MCCC2: variants seen among roughly 807,000 people sequenced by gnomAD.
MCCC2 encodes methylcrotonoyl-CoA carboxylase beta chain, mitochondrial.
In MCCC2, 52 loss-of-function variants were observed where a neutral mutation model predicts 77.2. That is an observed-to-expected ratio of 0.67 (90% CI 0.54 to 0.85). The LOEUF (loss-of-function observed/expected upper bound fraction) is 0.85, where lower values mean the gene tolerates loss of function less well. Ranked by LOEUF, MCCC2 falls within the 40% of genes least tolerant of loss-of-function variation. The pLI, the probability that MCCC2 is intolerant of heterozygous loss-of-function variation, is 0.00. For missense variants in MCCC2, 682 were observed against 703.2 expected (o/e 0.97, Z 0.34); for synonymous variants, 253 against 248.4 (o/e 1.02, Z -0.18).
intron 2 of MCCC2, among the ~76,000 whole-genome samples, chr5:71,594,896 C>CT (rs1471340501): frequency 4.5e-4 from 27 of 59,474 alleles, no homozygotes; most frequent in East Asian, 1.7e-3. Flanking sequence ...TTAAGTCTCT[C>CT]TCTTTTTTTT....
intron 6 of MCCC2, among the ~76,000 whole-genome samples, chr5:71,619,035 C>T (rs1478065369): frequency 1.3e-5 from 2 of 152,166 alleles, no homozygotes. Flanking sequence ...TCAGGCCTTT[C>T]TCTTTTCCTT....
intron 3 of MCCC2, 152 bp from the exon 4 acceptor site, chr5:71,599,507 A>AT (rs1745338659): frequency 7.4e-6 from 5 of 676,442 alleles, no homozygotes; most frequent in Non-Finnish European, 1.3e-5. Flanking sequence ...CACCACACCC[A>AT]TTTTAGATTT....
In MCCC2 at chr5:71,657,002, T is replaced by C; in HGVS notation, c.*142T>C. 1.5e-6 allele frequency: 1 copy of C among 648,038 alleles called. No individual in the cohort carries two copies. Among genetic ancestry groups the C allele is most frequent in the Non-Finnish European group, 2.7e-6 (1 of 364,172 alleles). 40.1% of individuals were successfully genotyped at this position (648,038 alleles called of 1,614,324 possible). A position where few individuals can be genotyped will look rare whatever the true frequency, so the allele number is the denominator to read the frequency against. On this transcript the variant is annotated 3_prime_UTR_variant, in exon 17 of 17. Coordinates refer to ENST00000340941, the MANE Select transcript of MCCC2 (RefSeq NM_022132.5). ...ATTGTACTTTTCTACCTTAAAAAAA[T>C]CAGTGAGGATATTTATTTAATGAAC...
intron 5 of MCCC2, among the ~76,000 whole-genome samples, chr5:71,603,931 A>T (rs967287753): frequency 6.6e-6 from 1 of 152,162 alleles, no homozygotes; most frequent in Non-Finnish European, 1.5e-5. Flanking sequence ...AACGCAACTG[A>T]CCTGTGTACC....
At chr5:71,614,749 G>A (rs1561833235) in intron 6 of MCCC2, among the ~76,000 whole-genome samples, 1 of 152,054 alleles carries the variant, frequency 6.6e-6, no homozygotes, top group Non-Finnish European at 1.5e-5. Context: ...CTCCCAAAGT[G>A]CTGGGATTAC....
At chr5:71,599,854 A>G in intron 4 of MCCC2, 94 bp downstream of exon 4, 2 of 947,930 alleles carry the variant, frequency 2.1e-6, no homozygotes, top group Non-Finnish European at 3.4e-6. Flanking sequence ...TTAGCATGCG[A>G]TTTGTATGCT....
chr5:71,603,415 C>T (rs1435372703), intron 5 of MCCC2, among the ~76,000 whole-genome samples: 2 of 74,234 alleles, frequency 2.7e-5, no homozygotes, highest in South Asian at 5.2e-4. Context: ...GAGACTGTCT[C>T]AAAAAAAAAA....
At chr5:71,621,143 A>G (rs2112394897) in intron 6 of MCCC2, among the ~76,000 whole-genome samples, 1 of 152,300 alleles carries the variant, frequency 6.6e-6, no homozygotes, top group East Asian at 1.9e-4. Flanking sequence ...GCTTTGGGAC[A>G]TGGCAAGTTG....
intron 6 of MCCC2, among the ~76,000 whole-genome samples, chr5:71,625,369 A>C (rs1045123732): frequency 2.6e-5 from 4 of 152,246 alleles, no homozygotes; most frequent in African/African-American, 9.6e-5. Context: ...TGCAGAAAGT[A>C]TACAGAATAA....
intron 6 of MCCC2, among the ~76,000 whole-genome samples, chr5:71,624,965 A>G (rs1049565750): frequency 6.6e-6 from 1 of 151,594 alleles, no homozygotes; most frequent in Non-Finnish European, 1.5e-5. Flanking sequence ...AAGTGCTGGG[A>G]TTACAGGCAT....
intron 10 of MCCC2, 119 bp downstream of exon 10, chr5:71,635,365 C>T (rs763432661): frequency 1.1e-6 from 1 of 879,102 alleles, no homozygotes; most frequent in Non-Finnish European, 1.9e-6. Context: ...ATGTGGATCT[C>T]AGTAAGGAGT....
chr5:71,638,761 T>TC (rs1747014966), intron 10 of MCCC2, among the ~76,000 whole-genome samples: 1 of 152,228 alleles, frequency 6.6e-6, no homozygotes, highest in Non-Finnish European at 1.5e-5. Flanking sequence ...CCTCAGGTGA[T>TC]CCACCCGTCT....
chr5:71,652,750 G>T lies in MCCC2; in HGVS notation c.1570G>T (p.Ala524Ser), dbSNP rs774241918. ...EEEGNPYYSSARVWDDGIIDP... is the reference protein window; with the variant it reads ...EEEGNPYYSSSRVWDDGIIDP... ...GGAAGGAAACCCTTACTATTCCAGC[G>T]CAAGGTGGGGGCCAGAACATCACTA... is the stretch of plus-strand genomic sequence containing the variant. The change falls in exon 16 of 17, where the codon GCA becomes TCA. Residue 524 changes from alanine to serine, a missense_variant. Ala to Ser is a moderately conservative substitution (Grantham distance 99, BLOSUM62 1). Transcript: ENST00000340941. 3 of 1,613,870 alleles carry T rather than the reference G, an allele frequency of 1.9e-6. No homozygotes were observed. Among genetic ancestry groups the T allele is most frequent in the Non-Finnish European group, 2.5e-6 (3 of 1,179,782 alleles).
At chr5:71,650,612 G>A (rs1298871040) in intron 15 of MCCC2, among the ~76,000 whole-genome samples, 2 of 151,780 alleles carry the variant, frequency 1.3e-5, no homozygotes, top group Non-Finnish European at 2.9e-5. Flanking sequence ...TTACAGGTGT[G>A]TGCCACCACG....
Position 71,593,089 on chromosome 5 carries a change from AT to A in MCCC2, c.196+113del, listed in dbSNP as rs72536613. 0.14 allele frequency: 106,651 copies of A among 737,620 alleles called. 9 individuals are homozygous for A. Among genetic ancestry groups the A allele is most frequent in the South Asian group, 0.22 (10,470 of 47,702 alleles). The allele number at this position is 737,620 out of a possible 1,614,324, so 45.7% of individuals were successfully genotyped here. A position where few individuals can be genotyped will look rare whatever the true frequency, so the allele number is the denominator to read the frequency against. ...AAAATACTGGAATTAAGCTTTTGATATTTTTTTTTTTTTTTTGAGATGGAGT... is the reference window on the plus strand; with the variant it reads ...AAAATACTGGAATTAAGCTTTTGATATTTTTTTTTTTTTTTGAGATGGAGT... On this transcript the variant is annotated intron_variant, in intron 2 of 16. Coordinates refer to ENST00000340941, the MANE Select transcript of MCCC2 (RefSeq NM_022132.5).
At chr5:71,645,141 C>T (rs1747242438) in intron 12 of MCCC2, among the ~76,000 whole-genome samples, 1 of 152,078 alleles carries the variant, frequency 6.6e-6, no homozygotes, top group Non-Finnish European at 1.5e-5. Context: ...CAAACAAACT[C>T]TGCCTGGCTT....
chr5:71,641,158 C>G, intron 11 of MCCC2, 83 bp downstream of exon 11: 2 of 1,229,972 alleles, frequency 1.6e-6, no homozygotes, highest in South Asian at 1.2e-5. Flanking sequence ...CTTTGATACA[C>G]TTGACATGGG....
At chr5:71,655,034 A>C (rs1747542544) in intron 16 of MCCC2, among the ~76,000 whole-genome samples, 1 of 152,060 alleles carries the variant, frequency 6.6e-6, no homozygotes, top group African/African-American at 2.4e-5. Flanking sequence ...GGGTTTCTCC[A>C]TGTTGGTCAG....
intron 1 of MCCC2, among the ~76,000 whole-genome samples, chr5:71,590,742 G>A (rs1443907585): frequency 2.0e-5 from 3 of 152,174 alleles, no homozygotes; most frequent in African/African-American, 7.2e-5. Context: ...GCTTGAACCC[G>A]GGAGGCGGAG....
Sources: gnomAD v4.1 joint callset for allele counts (sites outside exome capture counted in the v4.1 genomes callset) on GRCh38, gnomAD v4.1.1 for gene constraint, MANE v1.5 for transcripts, NCBI Gene and HGNC (gene_info 2026-07-23, HGNC 2026-07-21) for gene names.